Variants in EPHX3 observed in about 807,000 individuals in gnomAD.
EPHX3 encodes the protein abhydrolase domain containing 9.
EPHX3 carries 39 observed loss-of-function variants against 40.2 expected under a neutral mutation model. The observed-to-expected ratio is 0.97, with a 90% CI of 0.75 to 1.27. The LOEUF (loss-of-function observed/expected upper bound fraction) is 1.27, where lower values mean the gene tolerates loss of function less well. Among genes scored for constraint, EPHX3 ranks in the 50% most tolerant of loss-of-function variants. The pLI is 0.00. For synonymous variants in EPHX3, 213 were observed against 209.7 expected (o/e 1.02, Z -0.14); for missense variants, 442 against 474.0 (o/e 0.93, Z 0.63).
At chr19:15,235,492 A>T (rs1471836974), upstream of EPHX3, 1 of 151,598 alleles carries the variant, frequency 6.6e-6, no homozygotes, top group Non-Finnish European at 1.5e-5. Flanking sequence ...GTCTACCCTC[A>T]AACAAAAAGC....
In EPHX3 at chr19:15,231,992, C is replaced by T. The variant is rs1568372707; in HGVS notation, c.220G>A (p.Glu74Lys). The change falls in exon 1 of 7, where the codon GAG becomes AAG. Residue 74 changes from glutamate (E) to lysine (K), a missense_variant. Glu to Lys is a moderately conservative substitution (Grantham distance 56, BLOSUM62 1). Coordinates refer to ENST00000221730, the MANE Select transcript of EPHX3 (RefSeq NM_024794.3). Reference protein sequence around the residue: ...PACLSDPSLGEHGFLNLKSSG... With the variant: ...PACLSDPSLGKHGFLNLKSSG... ...ACCTTGAGGTTCAGGAAACCGTGCTCACCCAGCGAGGGGTCGCTCAGGCAG... is the reference window on the plus strand; with the variant it reads ...ACCTTGAGGTTCAGGAAACCGTGCTTACCCAGCGAGGGGTCGCTCAGGCAG... 6 of 1,609,786 alleles carry T rather than the reference C, an allele frequency of 3.7e-6. No individual in the cohort carries two copies. The South Asian group carries it at 5.5e-5, about 15-fold the overall frequency.
At chr19:15,230,632 C>T (rs962791865) in intron 4 of EPHX3, among the ~76,000 whole-genome samples, 56 of 151,872 alleles carry the variant, frequency 3.7e-4, no homozygotes, top group Middle Eastern at 3.4e-3. Flanking sequence ...AGGCATGCAC[C>T]ACCAATGCCT....
Position 15,228,074 on chromosome 19 carries a change from A to T in EPHX3, c.643T>A (p.Phe215Ile). The T allele has an allele frequency of 2.8e-6, 4 of 1,407,870 alleles. No homozygotes were observed. The highest frequency in any genetic ancestry group is 2.9e-6 in the Non-Finnish European group (3 of 1,041,628). 87.2% of individuals were successfully genotyped at this position (1,407,870 alleles called of 1,614,324 possible). ...AGGAACATGTAGTGGGAACGGAAGA[A>T]CTGGCTGATGTGGTGCAGGGAATAG... ...QDYSLHHISQ[F>I]FRSHYMFLFQ... The change falls in exon 5 of 7, where the codon TTC (phenylalanine) becomes ATC (isoleucine). Residue 215 changes from phenylalanine (F) to isoleucine (I), a missense_variant. By Grantham distance (21) the Phe-to-Ile change is conservative. Coordinates refer to ENST00000221730, the MANE Select transcript of EPHX3 (RefSeq NM_024794.3).
Position 15,228,472 on chromosome 19 carries a change from T to C in EPHX3, c.617-372A>G, listed in dbSNP as rs1055180390. Among the ~76,000 whole-genome samples, 5 of 151,110 alleles carry C rather than the reference T, an allele frequency of 3.3e-5. No individual in the cohort carries two copies. The East Asian group carries it at 9.7e-4, about 29-fold the overall frequency. On this transcript the variant is annotated intron_variant, in intron 4 of 6. Coordinates refer to ENST00000221730, the MANE Select transcript of EPHX3 (RefSeq NM_024794.3). ...GACAGTCAAAACTCCCTGTTCATCC[T>C]AGGCAACTTAAGGAAACCCCTGTAT...
chr19:15,229,619 G>A (rs772877716), intron 4 of EPHX3, among the ~76,000 whole-genome samples: 3 of 149,514 alleles, frequency 2.0e-5, no homozygotes, highest in African/African-American at 4.9e-5. Flanking sequence ...AAGGGGCCAG[G>A]CGTGGTGGCT....
chr19:15,227,395 T>G lies in EPHX3; in HGVS notation c.*42A>C, dbSNP rs771566576. 6.5e-7 allele frequency: 1 copy of G among 1,528,480 alleles called. No homozygotes were observed. The highest frequency in any genetic ancestry group is 9.1e-7 in the Non-Finnish European group (1 of 1,102,960). 94.7% of individuals were successfully genotyped at this position (1,528,480 alleles called of 1,614,324 possible). A position where few individuals can be genotyped will look rare whatever the true frequency, so the allele number is the denominator to read the frequency against. ...CACACAGATAATGGGTGTGTGTTCC[T>G]TCCTGAGTATCCATGCCTCCTGGGC... On this transcript the variant is annotated 3_prime_UTR_variant, in exon 7 of 7. Transcript: ENST00000221730.
At chr19:15,234,410 C>T (rs2047176829), upstream of EPHX3, among the ~76,000 whole-genome samples, 1 of 152,058 alleles carries the variant, frequency 6.6e-6, no homozygotes, top group Admixed American at 6.6e-5. Context: ...CCTCGAACTC[C>T]TGGGCTCAAG....
upstream of EPHX3, among the ~76,000 whole-genome samples, chr19:15,234,912 A>G (rs2047180247): frequency 6.6e-6 from 1 of 152,170 alleles, no homozygotes; most frequent in African/African-American, 2.4e-5. Flanking sequence ...CATTGCCCAT[A>G]GTGTACAAAC....
chr19:15,235,506 C>CA (rs903496387), upstream of EPHX3: 5 of 145,234 alleles, frequency 3.4e-5, no homozygotes, highest in Non-Finnish European at 7.4e-5. Flanking sequence ...AAAAAGCAGC[C>CA]ATCACAGGAG....
At chr19:15,228,666 C>A (rs1042240075) in intron 4 of EPHX3, among the ~76,000 whole-genome samples, 3 of 151,326 alleles carry the variant, frequency 2.0e-5, no homozygotes, top group African/African-American at 7.3e-5. Flanking sequence ...TACAGGCACC[C>A]GCCACCACGT....
At chr19:15,230,425 C>T (rs2047145282) in intron 4 of EPHX3, among the ~76,000 whole-genome samples, 1 of 152,222 alleles carries the variant, frequency 6.6e-6, no homozygotes, top group Non-Finnish European at 1.5e-5. Flanking sequence ...CCGGCTTTGG[C>T]CTCCCAAAGT....
chr19:15,231,832 C>G lies in EPHX3; in HGVS notation c.273G>C (p.Ser91=). The G allele has an allele frequency of 6.2e-7, 1 of 1,613,960 alleles. No individual in the cohort carries two copies. Among genetic ancestry groups the G allele is most frequent in the Non-Finnish European group, 8.5e-7 (1 of 1,180,026 alleles). ...KSSGLRLHYV[S]AGRGNGPLML... ...TGAGGGGTCCGTTACCTCGTCCAGC[C>G]GAGACATAGTGCAGACGCAGGCCCG... is the stretch of plus-strand genomic sequence containing the variant. Residue 91 remains serine, a synonymous_variant, in exon 2 of 7, where the codon TCG becomes TCC. Transcript: ENST00000221730.
In EPHX3 at chr19:15,227,864, C is replaced by T. The variant is rs781302409; in HGVS notation, c.764G>A (p.Cys255Tyr). 8 of 1,614,088 alleles carry T rather than the reference C, an allele frequency of 5.0e-6. No individual in the cohort carries two copies. Among genetic ancestry groups the T allele is most frequent in the Non-Finnish European group, 6.8e-6 (8 of 1,180,014 alleles). ...GGCCTCGAGCTCGCTGGGGGTCAAG[C>T]ATGGGATGCCTGTCTTGCGGTGGGT... ...TLTHRKTGIP[C>Y]LTPSELEAFL... Residue 255 changes from cysteine (C) to tyrosine (Y), a missense_variant, in exon 6 of 7, where the codon TGC becomes TAC. Cys to Tyr is a radical substitution (Grantham distance 194). Coordinates refer to ENST00000221730, the MANE Select transcript of EPHX3 (RefSeq NM_024794.3).
chr19:15,228,500 A>C (rs949660657), intron 4 of EPHX3, among the ~76,000 whole-genome samples: 2 of 133,300 alleles, frequency 1.5e-5, no homozygotes, highest in Non-Finnish European at 3.1e-5. Context: ...CCCTGTATCT[A>C]TAATTTTTTT....
intron 4 of EPHX3, among the ~76,000 whole-genome samples, chr19:15,229,235 C>T (rs1333183485): frequency 6.6e-6 from 1 of 151,984 alleles, no homozygotes; most frequent in East Asian, 1.9e-4. Context: ...CAAAAATTAG[C>T]TGGGCGTGTT....
chr19:15,231,779 T>C lies in EPHX3; in HGVS notation c.326A>G (p.Asn109Ser), dbSNP rs1426672543. The C allele has an allele frequency of 6.2e-7, 1 of 1,613,512 alleles. No homozygotes were observed. The highest frequency in any genetic ancestry group is 8.5e-7 in the Non-Finnish European group (1 of 1,179,940). The change falls in exon 2 of 7, where the codon AAC becomes AGC. Residue 109 changes from asparagine to serine, a missense_variant. Physicochemically the swap from Asn to Ser is conservative, Grantham distance 46 (BLOSUM62 1). Transcript: ENST00000221730. ...AGGCCCCTGGCCCCAGACGTACCAG[T>C]TCTCAGGGAAGCCGTGCAGAAACAG... ...LMLFLHGFPE[N>S]WFSWRYQLRE... is the part of the protein sequence containing the mutation.
In EPHX3 at chr19:15,227,000, T is replaced by G; in HGVS notation, c.*437A>C. 1 of 183,976 alleles carries G rather than the reference T, an allele frequency of 5.4e-6. No individual in the cohort carries two copies. The highest frequency in any genetic ancestry group is 1.1e-5 in the Non-Finnish European group (1 of 87,762). 11.4% of individuals were successfully genotyped at this position (183,976 alleles called of 1,614,324 possible). ...TGAAGTAGCCAAATGTGGTCAGCAG[T>G]ATTGTATTCAGAGTAGCACTGAGCT... On this transcript the variant is annotated 3_prime_UTR_variant, in exon 7 of 7. Transcript: ENST00000221730.
At chr19:15,234,666 C>T (rs2047178576), upstream of EPHX3, among the ~76,000 whole-genome samples, 5 of 152,190 alleles carry the variant, frequency 3.3e-5, no homozygotes, top group Admixed American at 2.6e-4. Flanking sequence ...CTACCCCGGA[C>T]GTGCCGTTTT....
Position 15,227,142 on chromosome 19 carries a change from A to G in EPHX3, c.*295T>C. On this transcript the variant is annotated 3_prime_UTR_variant, in exon 7 of 7. Transcript: ENST00000221730. The stretch of plus-strand genomic sequence containing the variant: ...CAGAGTGAGGCCCCAGGAAGGGAGG[A>G]GGTGGGACACTCGGTCTCGGCATCT... 1 of 422,438 alleles carries G rather than the reference A, an allele frequency of 2.4e-6. No homozygotes were observed. The highest frequency in any genetic ancestry group is 4.3e-6 in the Non-Finnish European group (1 of 230,088). The allele number at this position is 422,438 out of a possible 1,614,324, so 26.2% of individuals were successfully genotyped here. A position where few individuals can be genotyped will look rare whatever the true frequency, so the allele number is the denominator to read the frequency against.
Sources: gnomAD v4.1 joint callset for allele counts (sites outside exome capture counted in the v4.1 genomes callset) on GRCh38, gnomAD v4.1.1 for gene constraint, MANE v1.5 for transcripts, NCBI Gene and HGNC (gene_info 2026-07-23, HGNC 2026-07-21) for gene names.